The following ARHGEF4 variants were observed in gnomAD, a reference collection of about 807,000 sequenced individuals.
The protein encoded by ARHGEF4 is APC-stimulated guanine nucleotide exchange factor 1.
ARHGEF4 carries 119 observed loss-of-function variants against 162.0 expected under a neutral mutation model. The observed-to-expected ratio is 0.73, with a 90% CI of 0.63 to 0.86. ARHGEF4 has a LOEUF of 0.86. Ranked by LOEUF, ARHGEF4 falls within the 40% of genes least tolerant of loss-of-function variation. The pLI, the probability that ARHGEF4 is intolerant of heterozygous loss-of-function variation, is 0.00. For missense variants in ARHGEF4, 2,488 were observed against 2,456.0 expected (o/e 1.01, Z -0.28); for synonymous variants, 1,014 against 979.9 (o/e 1.03, Z -0.65).
At position 131,041,475 on chromosome 2, in the gene ARHGEF4, T is replaced by TG. The variant is rs1558897363; in HGVS notation, c.4895+14dup. The TG allele has an allele frequency of 3.7e-6, 6 of 1,606,886 alleles. No individual in the cohort carries two copies. Among genetic ancestry groups the TG allele is most frequent in the African/African-American group, 1.3e-5 (1 of 75,014 alleles). ...ACCCCCAGCACAGGTAGGAGGGCAC[T>TG]GAGGCAGGGAGGCAGCCCACGCCTC... On this transcript the variant is annotated intron_variant, in intron 9 of 13. Transcript: ENST00000409359.
At chr2:131,029,233 C>T (rs905521164) in intron 5 of ARHGEF4, among the ~76,000 whole-genome samples, 1 of 152,010 alleles carries the variant, frequency 6.6e-6, no homozygotes, top group Non-Finnish European at 1.5e-5. Flanking sequence ...GTGGCGGGCA[C>T]CTGTAATCCC....
chr2:130,912,596 G>C (rs1025606689), intron 1 of ARHGEF4, among the ~76,000 whole-genome samples: 1 of 152,172 alleles, frequency 6.6e-6, no homozygotes, highest in African/African-American at 2.4e-5. Context: ...CCTGGGAGGG[G>C]CCGGTGGGGT....
At chr2:130,876,757 A>G (rs1356565822) in intron 1 of ARHGEF4, among the ~76,000 whole-genome samples, 10 of 152,174 alleles carry the variant, frequency 6.6e-5, no homozygotes, top group Non-Finnish European at 1.2e-4. Flanking sequence ...ACAAAATCTA[A>G]GAGAGTTAAA....
At chr2:130,966,885 G>A (rs531432838) in intron 4 of ARHGEF4, among the ~76,000 whole-genome samples, 8 of 152,278 alleles carry the variant, frequency 5.3e-5, no homozygotes, top group Non-Finnish European at 1.2e-4. Flanking sequence ...CCACTGAGTC[G>A]CCATTGATTG....
intron 2 of ARHGEF4, among the ~76,000 whole-genome samples, chr2:130,921,723 C>T (rs191541815): frequency 2.1e-4 from 32 of 152,142 alleles, no homozygotes; most frequent in African/African-American, 7.7e-4. Context: ...ACCAAGTCCC[C>T]CTCTGTCACC....
At position 130,931,012 on chromosome 2, in the gene ARHGEF4, G is replaced by T; in HGVS notation, c.3613G>T (p.Ala1205Ser). 1 of 1,613,926 alleles carries T rather than the reference G, an allele frequency of 6.2e-7. No individual in the cohort carries two copies. Among genetic ancestry groups the T allele is most frequent in the Non-Finnish European group, 8.5e-7 (1 of 1,179,820 alleles). ...GCCCAGTTGCTCTCACAGTCAGAAG[G>T]CGTTCCACATGGAGCCTGCCCAGAA... The part of the protein sequence containing the change: ...EKPSCSHSQK[A>S]FHMEPAQKPC... Residue 1205 changes from alanine to serine, a missense_variant, in exon 3 of 14, where the codon GCG becomes TCG. This residue lies in a region of ARHGEF4 where 1,642 missense variants were observed against 1,481.5 expected (regional missense o/e 1.11). Coordinates refer to ENST00000409359, the MANE Select transcript of ARHGEF4 (RefSeq NM_001367493.1).
chr2:130,866,900 C>G (rs1182827127), intron 1 of ARHGEF4, among the ~76,000 whole-genome samples: 1 of 152,074 alleles, frequency 6.6e-6, no homozygotes, highest in Non-Finnish European at 1.5e-5. Context: ...AGGAAGTGTT[C>G]TCTCTACTTC....
At chr2:130,963,351 G>A (rs1195656783) in intron 4 of ARHGEF4, among the ~76,000 whole-genome samples, 1 of 151,974 alleles carries the variant, frequency 6.6e-6, no homozygotes, top group Non-Finnish European at 1.5e-5. Context: ...CCCCCCGCCG[G>A]CGCGCACGCC....
At chr2:131,015,136 G>A (rs1160917057) in intron 4 of ARHGEF4, among the ~76,000 whole-genome samples, 1 of 152,198 alleles carries the variant, frequency 6.6e-6, no homozygotes, top group Non-Finnish European at 1.5e-5. Flanking sequence ...CCACCAGGAA[G>A]AGAACTGGGA....
intron 5 of ARHGEF4, 26 bp from the exon 6 acceptor site, chr2:131,038,827 C>G (rs1250927081): frequency 6.9e-6 from 11 of 1,582,768 alleles, no homozygotes; most frequent in African/African-American, 1.3e-5. Flanking sequence ...CCCCACTGAC[C>G]CGCCTGCCCG....
intron 4 of ARHGEF4, among the ~76,000 whole-genome samples, chr2:130,995,483 G>T (rs867605059): frequency 5.3e-4 from 80 of 152,248 alleles, no homozygotes; most frequent in African/African-American, 1.7e-3. Context: ...TGGACCTCTT[G>T]TGGATCTGCA....
intron 4 of ARHGEF4, among the ~76,000 whole-genome samples, chr2:130,997,473 C>G (rs1343893126): frequency 6.6e-6 from 1 of 152,166 alleles, no homozygotes. Flanking sequence ...ACAGCATAAG[C>G]AAGATCTCTG....
At chr2:130,885,564 CTTTT>C (rs961513941) in intron 1 of ARHGEF4, among the ~76,000 whole-genome samples, 1 of 100,434 alleles carries the variant, frequency 1.0e-5, no homozygotes, top group Admixed American at 1.1e-4. Context: ...TTTTCTTATT[CTTTT>C]TTTTTTTTTT....
chr2:131,022,375 T>A (rs1689186705), intron 4 of ARHGEF4, among the ~76,000 whole-genome samples: 1 of 152,066 alleles, frequency 6.6e-6, no homozygotes, highest in Non-Finnish European at 1.5e-5. Context: ...TCTTCTTGAG[T>A]CAGTTTTGGT....
intron 1 of ARHGEF4, among the ~76,000 whole-genome samples, chr2:130,846,784 G>C (rs1017393201): frequency 3.3e-5 from 5 of 152,168 alleles, no homozygotes; most frequent in African/African-American, 1.2e-4. Context: ...GGGCTTCTGT[G>C]GTCAGGGCAA....
At position 131,040,410 on chromosome 2, in the gene ARHGEF4, G is replaced by T; in HGVS notation, c.4632G>T (p.Leu1544=). 3 of 1,602,960 alleles carry T rather than the reference G, an allele frequency of 1.9e-6. No homozygotes were observed. In the South Asian group the frequency reaches 3.3e-5, roughly 18 times the overall value. The change falls in exon 8 of 14, where the codon CTG becomes CTT. Residue 1544 remains leucine, a synonymous_variant. Coordinates refer to ENST00000409359, the MANE Select transcript of ARHGEF4 (RefSeq NM_001367493.1). Reference sequence around the variant, plus strand: ...GGTTCAACCGCGAGCGCCCACACCTGAGCGAGCTGGGTGCCTGCTTCCTGG... The same window carrying T: ...GGTTCAACCGCGAGCGCCCACACCTTAGCGAGCTGGGTGCCTGCTTCCTGG... ...EQRFNRERPH[L]SELGACFLEH...
rs543602906 is a variant in ARHGEF4 at position 130,951,748 on chromosome 2, C to G, written c.3985+5113C>G. 4.6e-5 allele frequency among the ~76,000 whole-genome samples: 7 copies of G among 152,092 alleles called. No individual in the cohort carries two copies. The South Asian group carries it at 6.2e-4, about 14-fold the overall frequency. ...GTTTCATGTATATATATATAACTTA[C>G]CAGCATCAACTTCAGATTTATACTA... On this transcript the variant is annotated intron_variant, in intron 4 of 13. Transcript: ENST00000409359.
intron 4 of ARHGEF4, among the ~76,000 whole-genome samples, chr2:131,015,072 T>TCA (rs1319127491): frequency 2.0e-5 from 3 of 151,740 alleles, no homozygotes; most frequent in African/African-American, 7.3e-5. Context: ...TAGGCTGGAG[T>TCA]CACACACACA....
chr2:130,897,515 A>T (rs757459355), intron 1 of ARHGEF4, among the ~76,000 whole-genome samples: 7 of 152,226 alleles, frequency 4.6e-5, no homozygotes, highest in Non-Finnish European at 1.0e-4. Context: ...ACCAGGGCCA[A>T]CCTGGAGCAG....
Sources: gnomAD v4.1 joint callset for allele counts (sites outside exome capture counted in the v4.1 genomes callset) on GRCh38, gnomAD v4.1.1 for gene constraint, gnomAD v4.1.1 regional missense constraint, MANE v1.5 for transcripts, NCBI Gene and HGNC (gene_info 2026-07-23, HGNC 2026-07-21) for gene names.